Variants in MAGI2 observed in about 807,000 individuals in gnomAD.
The protein encoded by MAGI2 is membrane-associated guanylate kinase, WW and PDZ domain-containing protein 2.
In MAGI2, 35 loss-of-function variants were observed where a neutral mutation model predicts 133.3. That is an observed-to-expected ratio of 0.26 (90% CI 0.20 to 0.35). The LOEUF (loss-of-function observed/expected upper bound fraction) is 0.35, where lower values mean the gene tolerates loss of function less well. Among genes scored for constraint, MAGI2 ranks in the 10% least tolerant of loss-of-function variants. MAGI2 has a pLI of 1.00. For synonymous variants in MAGI2, 729 were observed against 710.6 expected, an observed-to-expected ratio of 1.03 and a Z score of -0.41; for missense variants, 1,636 against 1,863.4, an observed-to-expected ratio of 0.88 and a Z score of 2.25.
Position 79,312,887 on chromosome 7 carries a change from C to A in MAGI2, c.301+140133G>T, listed in dbSNP as rs369054185. Among the ~76,000 whole-genome samples, 243 of 152,206 alleles carry A rather than the reference C, an allele frequency of 1.6e-3. 1 individual carries two copies. Among genetic ancestry groups the A allele is most frequent in the African/African-American group, 5.3e-3 (222 of 41,536 alleles). On this transcript the variant is annotated intron_variant, in intron 1 of 21. Transcript: ENST00000354212. Reference sequence around the variant, plus strand: ...AAGATGCAGTTGCACCGTACAGGCACCCTCCTCCCCCTCCACCCACCGCCT... The same window carrying A: ...AAGATGCAGTTGCACCGTACAGGCAACCTCCTCCCCCTCCACCCACCGCCT...
intron 20 of MAGI2, among the ~76,000 whole-genome samples, chr7:78,103,991 C>G (rs998974645): frequency 6.6e-6 from 1 of 152,216 alleles, no homozygotes; most frequent in African/African-American, 2.4e-5. Context: ...TTTGTGATAT[C>G]TGAGCTACGG....
At chr7:78,672,795 C>T (rs974426266) in intron 2 of MAGI2, among the ~76,000 whole-genome samples, 15 of 152,122 alleles carry the variant, frequency 9.9e-5, no homozygotes, top group Admixed American at 5.2e-4. Flanking sequence ...TTTAACAAGC[C>T]CTTCAGGTGA....
intron 6 of MAGI2, among the ~76,000 whole-genome samples, chr7:78,439,177 T>A (rs942931471): frequency 2.0e-5 from 3 of 152,218 alleles, no homozygotes; most frequent in Admixed American, 2.0e-4. Context: ...TGTGGAATTT[T>A]CAGTTCCTTG....
intron 9 of MAGI2, among the ~76,000 whole-genome samples, chr7:78,317,108 A>G (rs1453247168): frequency 6.6e-6 from 1 of 152,206 alleles, no homozygotes; most frequent in Non-Finnish European, 1.5e-5. Flanking sequence ...GCATAAAACA[A>G]CTATTGCATA....
At chr7:79,281,038 T>A (rs1375306470) in intron 1 of MAGI2, among the ~76,000 whole-genome samples, 2 of 149,270 alleles carry the variant, frequency 1.3e-5, no homozygotes, top group African/African-American at 4.9e-5. Context: ...ATAAGTGACA[T>A]GTCTGTCTAG....
At chr7:78,549,868 T>C (rs911172128) in intron 3 of MAGI2, among the ~76,000 whole-genome samples, 1 of 152,216 alleles carries the variant, frequency 6.6e-6, no homozygotes, top group Non-Finnish European at 1.5e-5. Flanking sequence ...CTGATGGAAA[T>C]CTTGCTTTTG....
chr7:78,448,948 A>G (rs185372046), intron 6 of MAGI2, among the ~76,000 whole-genome samples: 1 of 152,180 alleles, frequency 6.6e-6, no homozygotes, highest in Admixed American at 6.6e-5. Context: ...TTACCTTGCC[A>G]TTTAACAGTG....
At chr7:78,476,740 T>C (rs1406634901) in intron 6 of MAGI2, among the ~76,000 whole-genome samples, 1 of 151,960 alleles carries the variant, frequency 6.6e-6, no homozygotes, top group Non-Finnish European at 1.5e-5. Context: ...CTGGTAGATA[T>C]GGGTCTTTAA....
intron 1 of MAGI2, among the ~76,000 whole-genome samples, chr7:79,238,177 T>C (rs886910196): frequency 2.6e-5 from 4 of 152,218 alleles, no homozygotes; most frequent in African/African-American, 7.2e-5. Context: ...CTTTTTTCCT[T>C]TCATTTCCTT....
intron 3 of MAGI2, chr7:78,568,450 A>G (rs1801168988): frequency 6.6e-6 from 1 of 152,170 alleles, no homozygotes; most frequent in Non-Finnish European, 1.5e-5. Context: ...CCCATCCTAC[A>G]GTGTTCTCCT....
chr7:78,712,273 G>C (rs909082374), intron 2 of MAGI2, among the ~76,000 whole-genome samples: 8 of 152,156 alleles, frequency 5.3e-5, no homozygotes, highest in Admixed American at 5.2e-4. Flanking sequence ...GATAAAGTTT[G>C]TTCTGTCTGA....
intron 3 of MAGI2, among the ~76,000 whole-genome samples, chr7:78,604,438 C>T (rs9640728): frequency 0.23 from 34,923 of 152,050 alleles, 4,434 homozygotes; most frequent in East Asian, 0.49. Flanking sequence ...ACTTTACTGG[C>T]CGCCTTTTAT....
chr7:78,150,574 G>A (rs1013237113), intron 16 of MAGI2, among the ~76,000 whole-genome samples: 3 of 152,152 alleles, frequency 2.0e-5, no homozygotes, highest in South Asian at 2.1e-4. Flanking sequence ...GGGTCTCTTC[G>A]CAGTTGCAAT....
At chr7:79,267,812 C>G (rs190360006) in intron 1 of MAGI2, among the ~76,000 whole-genome samples, 4 of 152,280 alleles carry the variant, frequency 2.6e-5, no homozygotes, top group African/African-American at 9.6e-5. Context: ...GCTTAAATAA[C>G]ACCCTCTTCA....
chr7:78,800,352 G>C (rs1478836495), intron 2 of MAGI2, among the ~76,000 whole-genome samples: 3 of 152,048 alleles, frequency 2.0e-5, no homozygotes, highest in Admixed American at 1.3e-4. Context: ...AGTCATTCAG[G>C]GATCCAGGCC....
At chr7:78,581,068 A>G (rs971088967) in intron 3 of MAGI2, among the ~76,000 whole-genome samples, 3 of 152,206 alleles carry the variant, frequency 2.0e-5, no homozygotes, top group Non-Finnish European at 4.4e-5. Flanking sequence ...ACTTTTCAAT[A>G]AAATTCTCAA....
At chr7:78,431,074 C>CTGTGTGTGTGTGTGTG (rs147567944) in intron 6 of MAGI2, among the ~76,000 whole-genome samples, 191 of 146,508 alleles carry the variant, frequency 1.3e-3, no homozygotes, top group African/African-American at 4.5e-3. Flanking sequence ...GTGAGGTAGG[C>CTGTGTGTGTGTGTGTG]TGTGTGTGTG....
At chr7:78,825,826 A>G (rs1014823959) in intron 2 of MAGI2, among the ~76,000 whole-genome samples, 1 of 152,118 alleles carries the variant, frequency 6.6e-6, no homozygotes, top group Non-Finnish European at 1.5e-5. Context: ...TTCTTCTCTA[A>G]CCAACTGAAA....
At chr7:79,382,817 C>CT (rs1654551587) in intron 1 of MAGI2, among the ~76,000 whole-genome samples, 1 of 146,428 alleles carries the variant, frequency 6.8e-6, no homozygotes, top group African/African-American at 2.5e-5. Context: ...TTGCTGACCC[C>CT]TTGAACCTTA....
Sources: gnomAD v4.1 joint callset for allele counts (sites outside exome capture counted in the v4.1 genomes callset) on GRCh38, gnomAD v4.1.1 for gene constraint, MANE v1.5 for transcripts, NCBI Gene and HGNC (gene_info 2026-07-23, HGNC 2026-07-21) for gene names.